Variants in NRXN1 observed in about 807,000 individuals in gnomAD.
NRXN1 encodes the protein neurexin-1.
In NRXN1, 39 loss-of-function variants were observed where a neutral mutation model predicts 150.9. That is an observed-to-expected ratio of 0.26 (90% CI 0.20 to 0.34). The LOEUF (loss-of-function observed/expected upper bound fraction) is 0.34. NRXN1 is among the 10% of genes least tolerant of loss of function. The probability of loss-of-function intolerance (pLI) is 1.00; values close to 1 mark genes in which losing one functional copy is unlikely to be tolerated. For missense variants in NRXN1, 1,815 were observed against 1,949.9 expected (o/e 0.93, Z 1.30); for synonymous variants, 924 against 757.0 (o/e 1.22, Z -3.62).
Position 50,997,847 on chromosome 2 carries a change from C to A in NRXN1, c.772+29655G>T, listed in dbSNP as rs1395256420. 1.4e-5 allele frequency among the ~76,000 whole-genome samples: 2 copies of A among 141,706 alleles called. 1 individual carries two copies. The highest frequency in any genetic ancestry group is 5.9e-5 in the African/African-American group (2 of 33,632). 93.0% of individuals were successfully genotyped at this position (141,706 alleles called of 152,430 possible). A position where few individuals can be genotyped will look rare whatever the true frequency, so the allele number is the denominator to read the frequency against. Reference sequence around the variant, plus strand: ...ACAATTTAATTTGGAACAATTGGAGCAATGCTTCTGAAGGCCAACACATAA... The same window carrying A: ...ACAATTTAATTTGGAACAATTGGAGAAATGCTTCTGAAGGCCAACACATAA... On this transcript the variant is annotated intron_variant, in intron 2 of 22. Coordinates refer to ENST00000401669, the MANE Select transcript of NRXN1 (RefSeq NM_001330078.2).
chr2:50,701,752 T>C (rs1039809614), intron 5 of NRXN1, among the ~76,000 whole-genome samples: 1 of 152,134 alleles, frequency 6.6e-6, no homozygotes, highest in Non-Finnish European at 1.5e-5. Context: ...CCTTTAAGGA[T>C]GGGAGACATT....
intron 18 of NRXN1, among the ~76,000 whole-genome samples, chr2:50,211,366 T>C (rs1001736468): frequency 6.6e-6 from 1 of 151,618 alleles, no homozygotes; most frequent in African/African-American, 2.4e-5. Flanking sequence ...ACATTGAAAA[T>C]AAGAATCCAA....
chr2:50,474,683 C>CAAAAAAAA lies in NRXN1; in HGVS notation c.3071-2220_3071-2213dup, dbSNP rs754558377. 6.7e-4 allele frequency among the ~76,000 whole-genome samples: 37 copies of CAAAAAAAA among 54,994 alleles called. 3 individuals are homozygous for CAAAAAAAA. Among genetic ancestry groups the CAAAAAAAA allele is most frequent in the African/African-American group, 1.8e-3 (22 of 12,226 alleles). 36.1% of individuals were successfully genotyped at this position (54,994 alleles called of 152,430 possible). A position where few individuals can be genotyped will look rare whatever the true frequency, so the allele number is the denominator to read the frequency against. ...AATTTCCAGACTGGCACAGAAATAG[C>CAAAAAAAA]AAAAAAAAAAAAAAAAAAAAAAAGT... On this transcript the variant is annotated intron_variant, in intron 15 of 22. Transcript: ENST00000401669.
chr2:50,016,383 G>C (rs1235845648), intron 21 of NRXN1: 1 of 152,126 alleles, frequency 6.6e-6, no homozygotes, highest in Non-Finnish European at 1.5e-5. Context: ...TTTCTTTGCC[G>C]GTGATGGGGG....
At chr2:50,363,232 T>C (rs947718849) in intron 17 of NRXN1, among the ~76,000 whole-genome samples, 1 of 152,026 alleles carries the variant, frequency 6.6e-6, no homozygotes, top group African/African-American at 2.4e-5. Flanking sequence ...AAAGCCAAAA[T>C]TGACAAATGG....
intron 5 of NRXN1, among the ~76,000 whole-genome samples, chr2:50,679,181 T>C (rs537794319): frequency 3.2e-4 from 49 of 152,068 alleles, no homozygotes; most frequent in African/African-American, 1.2e-3. Context: ...AGATTAGTAA[T>C]GGGGTAGATA....
At chr2:51,029,753 C>T (rs1435258421) in intron 1 of NRXN1, among the ~76,000 whole-genome samples, 1 of 152,174 alleles carries the variant, frequency 6.6e-6, no homozygotes, top group Non-Finnish European at 1.5e-5. Context: ...TATAGTTCTC[C>T]TTTATATTAA....
At chr2:50,692,787 T>C (rs1204791146) in intron 5 of NRXN1, among the ~76,000 whole-genome samples, 2 of 152,178 alleles carry the variant, frequency 1.3e-5, no homozygotes, top group Non-Finnish European at 2.9e-5. Flanking sequence ...GATCTGTTCT[T>C]GTCAGCTTTT....
chr2:50,504,000 T>C (rs1440954513), intron 13 of NRXN1, among the ~76,000 whole-genome samples: 1 of 151,898 alleles, frequency 6.6e-6, no homozygotes, highest in Non-Finnish European at 1.5e-5. Context: ...TGAGGAAATA[T>C]CAGATAAGCA....
At chr2:50,524,056 G>A (rs2092873942) in intron 12 of NRXN1, among the ~76,000 whole-genome samples, 1 of 152,116 alleles carries the variant, frequency 6.6e-6, no homozygotes, top group South Asian at 2.1e-4. Context: ...AATCTTAATA[G>A]AAAGAAAGGA....
intron 18 of NRXN1, among the ~76,000 whole-genome samples, chr2:50,186,589 T>G (rs1313125931): frequency 1.3e-5 from 2 of 152,032 alleles, no homozygotes; most frequent in Admixed American, 6.6e-5. Flanking sequence ...ATTTAAAAAC[T>G]AAAGATTATT....
At position 50,656,449 on chromosome 2, in the gene NRXN1, T is replaced by C. The variant is rs1686477565; in HGVS notation, c.833-32834A>G. On this transcript the variant is annotated intron_variant, in intron 5 of 22. Coordinates refer to ENST00000401669, the MANE Select transcript of NRXN1 (RefSeq NM_001330078.2). The stretch of plus-strand genomic sequence containing the variant: ...TAAAGTTCTAGAAGTATCAAGTTTC[T>C]AGATTCTTTTCAGTTTTTGCTCTGT... 1.3e-5 allele frequency: 10 copies of C among 757,410 alleles called. No individual in the cohort carries two copies. The East Asian group carries it at 2.5e-4, about 19-fold the overall frequency. 46.9% of individuals were successfully genotyped at this position (757,410 alleles called of 1,614,324 possible).
At chr2:50,802,537 G>GGAAGGAAT (rs1707755586) in intron 5 of NRXN1, among the ~76,000 whole-genome samples, 6 of 141,650 alleles carry the variant, frequency 4.2e-5, no homozygotes, top group African/African-American at 1.6e-4. Context: ...AAGGAAGGAA[G>GGAAGGAAT]GAAGGAAGGA....
At chr2:50,444,991 T>A (rs1341054717) in intron 17 of NRXN1, among the ~76,000 whole-genome samples, 1 of 152,198 alleles carries the variant, frequency 6.6e-6, no homozygotes, top group Non-Finnish European at 1.5e-5. Context: ...TCTCAGCATT[T>A]ATAATTTAAC....
intron 18 of NRXN1, among the ~76,000 whole-genome samples, chr2:50,143,766 T>C (rs1013109862): frequency 1.3e-5 from 2 of 151,858 alleles, no homozygotes; most frequent in African/African-American, 4.8e-5. Context: ...CCATCTACAC[T>C]CATTAGGTTG....
At chr2:50,930,450 G>C (rs1687572990) in intron 2 of NRXN1, among the ~76,000 whole-genome samples, 1 of 152,098 alleles carries the variant, frequency 6.6e-6, no homozygotes, top group African/African-American at 2.4e-5. Flanking sequence ...GATTTATAGT[G>C]ATTAAGCTAT....
intron 17 of NRXN1, among the ~76,000 whole-genome samples, chr2:50,288,363 T>A (rs1446480023): frequency 3.9e-5 from 6 of 152,118 alleles, no homozygotes; most frequent in South Asian, 4.1e-4. Context: ...CAAGACAGCC[T>A]ACACAGCAAA....
rs557036206 is a variant in NRXN1, at chr2:50,115,141, G to A, written c.3547-23647C>T. Among the ~76,000 whole-genome samples, 58 of 146,198 alleles carry A rather than the reference G, an allele frequency of 4.0e-4. 1 individual carries two copies. The South Asian group carries it at 4.5e-3, about 11-fold the overall frequency. On this transcript the variant is annotated intron_variant, in intron 18 of 22. Transcript: ENST00000401669. ...GTATTTGGAAAATCTTTGTAATTTCGCTCAATTTTTTTTTTTTGTGAACCT... is the reference window on the plus strand; with the variant it reads ...GTATTTGGAAAATCTTTGTAATTTCACTCAATTTTTTTTTTTTGTGAACCT...
At chr2:50,327,870 G>A (rs541940074) in intron 17 of NRXN1, among the ~76,000 whole-genome samples, 5 of 152,104 alleles carry the variant, frequency 3.3e-5, no homozygotes, top group South Asian at 2.1e-4. Flanking sequence ...GGCTGGTCGC[G>A]AACTCCTGAC....
Sources: gnomAD v4.1 joint callset for allele counts (sites outside exome capture counted in the v4.1 genomes callset) on GRCh38, gnomAD v4.1.1 for gene constraint, MANE v1.5 for transcripts, NCBI Gene and HGNC (gene_info 2026-07-23, HGNC 2026-07-21) for gene names.